The following SYN2 variants were observed in gnomAD, a reference collection of about 807,000 sequenced individuals.
SYN2 encodes the protein synapsin-2.
SYN2 carries 19 observed loss-of-function variants against 50.9 expected under a neutral mutation model. The ratio of observed to expected loss-of-function variants is 0.37; its 90% CI spans 0.26 to 0.55. The LOEUF is 0.55. SYN2 is among the 20% of genes least tolerant of loss of function. The probability of loss-of-function intolerance (pLI) is 0.81; values close to 1 mark genes in which losing one functional copy is unlikely to be tolerated. For missense variants in SYN2, 587 were observed against 576.4 expected, an observed-to-expected ratio of 1.02 and a Z score of -0.19; for synonymous variants, 255 against 224.9, an observed-to-expected ratio of 1.13 and a Z score of -1.20.
intron 1 of SYN2, among the ~76,000 whole-genome samples, chr3:12,015,200 G>A (rs956897439): frequency 6.6e-6 from 1 of 152,118 alleles, no homozygotes; most frequent in African/African-American, 2.4e-5. Context: ...TTGTTGCATC[G>A]TCTAGCATCA....
intron 1 of SYN2, among the ~76,000 whole-genome samples, chr3:12,095,212 G>C (rs955304185): frequency 6.6e-6 from 1 of 151,582 alleles, no homozygotes; most frequent in Non-Finnish European, 1.5e-5. Flanking sequence ...TCTGGCTTCC[G>C]TACCATTCCC....
At chr3:12,154,384 C>CA in intron 5 of SYN2, 2 of 1,614,208 alleles carry the variant, frequency 1.2e-6, no homozygotes, top group Non-Finnish European at 1.7e-6. Flanking sequence ...GCACCAAGGA[C>CA]AGGTCCTCCC....
chr3:12,042,420 G>A (rs1210327332), intron 1 of SYN2, among the ~76,000 whole-genome samples: 2 of 152,286 alleles, frequency 1.3e-5, no homozygotes, highest in Admixed American at 6.5e-5. Flanking sequence ...ATGCTGACTT[G>A]CCTTGTGTTT....
chr3:12,090,745 C>T (rs1205497712), intron 1 of SYN2, among the ~76,000 whole-genome samples: 1 of 152,034 alleles, frequency 6.6e-6, no homozygotes, highest in African/African-American at 2.4e-5. Flanking sequence ...TAATTGATGT[C>T]GTGATGCTTT....
At chr3:12,117,749 G>A (rs1338055673) in intron 1 of SYN2, among the ~76,000 whole-genome samples, 1 of 152,204 alleles carries the variant, frequency 6.6e-6, no homozygotes, top group Non-Finnish European at 1.5e-5. Context: ...TCTGCTGTCT[G>A]CTTTTGCCCT....
chr3:12,151,214 T>A (rs771233928), intron 4 of SYN2, 23 bp from the exon 5 acceptor site: 1 of 1,550,668 alleles, frequency 6.4e-7, no homozygotes, highest in Admixed American at 1.7e-5. Context: ...AGATAAGCTG[T>A]AACATTTGCT....
chr3:12,106,945 A>G (rs1255219704), intron 1 of SYN2, among the ~76,000 whole-genome samples: 1 of 152,036 alleles, frequency 6.6e-6, no homozygotes, highest in Non-Finnish European at 1.5e-5. Flanking sequence ...TTTTCCTCGT[A>G]TAAAGAAAGG....
rs1005510515 is a variant in SYN2 at position 12,185,540 on chromosome 3, G to A, written c.1370-1829G>A. On this transcript the variant is annotated intron_variant, in intron 11 of 12. Transcript: ENST00000621198. ...TTAGGGACAACTCTGTGGCCTGGGG[G>A]ACATCTGTGTCACAGTATAGGATTG... The A allele has an allele frequency of 5.1e-6, 5 of 985,730 alleles. No individual in the cohort carries two copies. The African/African-American group carries it at 8.7e-5, about 17-fold the overall frequency. 61.1% of individuals were successfully genotyped at this position (985,730 alleles called of 1,614,324 possible).
chr3:12,047,126 G>A (rs867426313), intron 1 of SYN2, among the ~76,000 whole-genome samples: 4 of 151,530 alleles, frequency 2.6e-5, no homozygotes, highest in Admixed American at 6.6e-5. Context: ...CATAATTAAG[G>A]GAAAGGCAAA....
intron 1 of SYN2, among the ~76,000 whole-genome samples, chr3:12,108,820 AAC>A (rs1333773538): frequency 6.6e-6 from 1 of 150,728 alleles, no homozygotes; most frequent in Non-Finnish European, 1.5e-5. Context: ...AAAAAAAAAA[AAC>A]ATATAATCAG....
intron 1 of SYN2, among the ~76,000 whole-genome samples, chr3:12,098,325 G>A (rs1027418897): frequency 6.6e-6 from 1 of 152,066 alleles, no homozygotes; most frequent in African/African-American, 2.4e-5. Context: ...ATTCCTAGAT[G>A]TACAAAAAAA....
intron 1 of SYN2, among the ~76,000 whole-genome samples, chr3:12,123,613 CACAA>C (rs990266895): frequency 3.9e-5 from 6 of 152,182 alleles, no homozygotes; most frequent in African/African-American, 7.2e-5. Flanking sequence ...TAAAGAAAAA[CACAA>C]ACACACACAC....
intron 1 of SYN2, among the ~76,000 whole-genome samples, chr3:12,030,629 G>T (rs1208834180): frequency 6.9e-6 from 1 of 145,352 alleles, no homozygotes; most frequent in Non-Finnish European, 1.5e-5. Flanking sequence ...GTCGAGGAAT[G>T]TATCCATTTC....
chr3:12,066,431 GT>G (rs1217053921), intron 1 of SYN2, among the ~76,000 whole-genome samples: 2 of 152,126 alleles, frequency 1.3e-5, no homozygotes, highest in Admixed American at 6.5e-5. Flanking sequence ...GGAGGCAGTT[GT>G]TTTAGAAAAA....
intron 1 of SYN2, among the ~76,000 whole-genome samples, chr3:12,129,007 A>G (rs116565791): frequency 0.031 from 4,728 of 152,330 alleles, 96 homozygotes; most frequent in Non-Finnish European, 0.043. Context: ...GGGCAGATGG[A>G]TAATAAGTAG....
intron 5 of SYN2, chr3:12,153,821 C>T: frequency 8.5e-7 from 1 of 1,170,284 alleles, no homozygotes; most frequent in South Asian, 1.4e-5. Context: ...TGCCCCCTAT[C>T]TTATCAAGCC....
At chr3:12,005,800 C>CT (rs990009622) in intron 1 of SYN2, among the ~76,000 whole-genome samples, 13 of 151,606 alleles carry the variant, frequency 8.6e-5, no homozygotes, top group African/African-American at 2.7e-4. Flanking sequence ...ATGTTTCCAA[C>CT]TTAGAATGGT....
chr3:12,082,297 G>C (rs146254920), intron 1 of SYN2, among the ~76,000 whole-genome samples: 3 of 152,274 alleles, frequency 2.0e-5, no homozygotes, highest in African/African-American at 7.2e-5. Flanking sequence ...TGGTCACATG[G>C]ACACCCTCTG....
intron 1 of SYN2, among the ~76,000 whole-genome samples, chr3:12,034,633 A>G (rs1694455448): frequency 1.3e-5 from 2 of 152,200 alleles, no homozygotes; most frequent in South Asian, 4.1e-4. Flanking sequence ...ACATTGCACA[A>G]GAGTGAGGGT....
Sources: gnomAD v4.1 joint callset for allele counts (sites outside exome capture counted in the v4.1 genomes callset) on GRCh38, gnomAD v4.1.1 for gene constraint, MANE v1.5 for transcripts, NCBI Gene and HGNC (gene_info 2026-07-23, HGNC 2026-07-21) for gene names.